Variants in DOCK1 observed in about 807,000 individuals in gnomAD.
The protein encoded by DOCK1 is dedicator of cytokinesis protein 1.
Under a neutral mutation model 262.7 loss-of-function variants are expected in DOCK1, and 138 were observed. The observed-to-expected ratio is 0.53, with a 90% CI of 0.46 to 0.61. The LOEUF (loss-of-function observed/expected upper bound fraction) is 0.61. DOCK1 is among the 20% of genes least tolerant of loss of function. The pLI, the probability that DOCK1 is intolerant of heterozygous loss-of-function variation, is 0.00. For missense variants in DOCK1, 1,908 were observed against 2,370.7 expected, an observed-to-expected ratio of 0.80 and a Z score of 4.05; for synonymous variants, 866 against 867.4, an observed-to-expected ratio of 1.00 and a Z score of 0.03.
At chr10:126,999,512 C>T in intron 9 of DOCK1, 77 bp downstream of exon 9, 1 of 1,224,104 alleles carries the variant, frequency 8.2e-7, no homozygotes, top group South Asian at 1.3e-5. Flanking sequence ...GTCTGCCTTC[C>T]TGCGACACTA....
At chr10:126,948,864 G>A (rs1282225863) in intron 1 of DOCK1, among the ~76,000 whole-genome samples, 1 of 152,110 alleles carries the variant, frequency 6.6e-6, no homozygotes, top group Non-Finnish European at 1.5e-5. Flanking sequence ...TTGGGGATAT[G>A]TGTGCTGGGC....
chr10:127,349,187 C>G (rs1035586975), intron 31 of DOCK1, among the ~76,000 whole-genome samples: 1 of 151,968 alleles, frequency 6.6e-6, no homozygotes, highest in African/African-American at 2.4e-5. Flanking sequence ...CATCTCAGCC[C>G]TTTCCTTGTC....
intron 23 of DOCK1, among the ~76,000 whole-genome samples, chr10:127,073,564 A>G (rs2046350947): frequency 6.6e-6 from 1 of 152,186 alleles, no homozygotes; most frequent in African/African-American, 2.4e-5. Flanking sequence ...ATTTCTCTCC[A>G]TTTGAGGGAA....
intron 27 of DOCK1, among the ~76,000 whole-genome samples, chr10:127,200,065 T>C (rs2057383925): frequency 6.6e-6 from 1 of 152,228 alleles, no homozygotes; most frequent in Non-Finnish European, 1.5e-5. Context: ...AACTGTCCGA[T>C]GTCGCTGTGA....
At chr10:127,076,345 C>CA (rs557461138) in intron 23 of DOCK1, among the ~76,000 whole-genome samples, 5 of 152,220 alleles carry the variant, frequency 3.3e-5, no homozygotes, top group South Asian at 2.1e-4. Context: ...ACTAAAAATA[C>CA]AAAAAATTAG....
chr10:127,160,043 T>C (rs1444516597), intron 27 of DOCK1, among the ~76,000 whole-genome samples: 2 of 151,846 alleles, frequency 1.3e-5, no homozygotes, highest in Non-Finnish European at 2.9e-5. Context: ...GCTTAGTGTC[T>C]CCGAGACCTT....
At chr10:126,981,717 T>A (rs2134847213) in intron 3 of DOCK1, among the ~76,000 whole-genome samples, 1 of 152,350 alleles carries the variant, frequency 6.6e-6, no homozygotes, top group South Asian at 2.1e-4. Flanking sequence ...TGTTTGCTTC[T>A]AAGACATCGG....
At chr10:127,299,931 C>A (rs2061626801) in intron 29 of DOCK1, among the ~76,000 whole-genome samples, 2 of 152,276 alleles carry the variant, frequency 1.3e-5, no homozygotes, top group South Asian at 4.1e-4. Flanking sequence ...GAAAAGTATT[C>A]CTGCAAAGTT....
In DOCK1 at chr10:127,211,202, G is replaced by A. The variant is rs144942413; in HGVS notation, c.2848-36806G>A. Among the ~76,000 whole-genome samples the A allele has an allele frequency of 1.8e-4, 27 of 152,284 alleles. No individual in the cohort carries two copies. The East Asian group carries it at 4.4e-3, about 25-fold the overall frequency. The stretch of plus-strand genomic sequence containing the variant: ...GAGTCCTGCACTCTAACTGCAGGAA[G>A]GGCAGCTAAGGAAAGCCAAGTGCAA... On this transcript the variant is annotated intron_variant, in intron 27 of 51. Transcript: ENST00000623213.
chr10:126,969,446 G>T (rs2037927075), intron 1 of DOCK1, among the ~76,000 whole-genome samples: 1 of 152,228 alleles, frequency 6.6e-6, no homozygotes, highest in Non-Finnish European at 1.5e-5. Flanking sequence ...GTCCTTGGAG[G>T]TGTGGGCAGG....
intron 27 of DOCK1, among the ~76,000 whole-genome samples, chr10:127,239,804 A>G (rs1398776746): frequency 2.0e-5 from 3 of 152,146 alleles, no homozygotes; most frequent in Non-Finnish European, 4.4e-5. Flanking sequence ...AACGTATAAA[A>G]TTTTCTGCTT....
At chr10:126,980,929 G>T (rs1171635043) in intron 3 of DOCK1, among the ~76,000 whole-genome samples, 1 of 151,228 alleles carries the variant, frequency 6.6e-6, no homozygotes, top group African/African-American at 2.4e-5. Flanking sequence ...TGCTTGCTCA[G>T]AAAGCAGGAC....
intron 29 of DOCK1, among the ~76,000 whole-genome samples, chr10:127,319,291 G>T (rs1194915351): frequency 6.6e-6 from 1 of 152,198 alleles, no homozygotes. Flanking sequence ...CGTAGCAGGG[G>T]AACTAATTGG....
Position 127,043,240 on chromosome 10 carries a change from T to G in DOCK1, c.2201+76T>G. 3 of 1,188,344 alleles carry G rather than the reference T, an allele frequency of 2.5e-6. No individual in the cohort carries two copies. The South Asian group carries it at 4.1e-5, about 16-fold the overall frequency. The allele number at this position is 1,188,344 out of a possible 1,614,324, so 73.6% of individuals were successfully genotyped here. A position where few individuals can be genotyped will look rare whatever the true frequency, so the allele number is the denominator to read the frequency against. On this transcript the variant is annotated intron_variant, in intron 21 of 51. Transcript: ENST00000623213. Reference sequence around the variant, plus strand: ...GTTATTTAGAGTCTTTTTCATGTACTTTTGTCTATGACTGTGTATTTACTC... The same window carrying G: ...GTTATTTAGAGTCTTTTTCATGTACGTTTGTCTATGACTGTGTATTTACTC...
chr10:126,922,485 A>G (rs1282286582), intron 1 of DOCK1, among the ~76,000 whole-genome samples: 1 of 152,098 alleles, frequency 6.6e-6, no homozygotes, highest in African/African-American at 2.4e-5. Flanking sequence ...TTTTGTAACA[A>G]CCAGTGTCTC....
chr10:127,350,063 A>G (rs376661661), intron 31 of DOCK1, among the ~76,000 whole-genome samples: 93 of 152,318 alleles, frequency 6.1e-4, no homozygotes, highest in African/African-American at 2.1e-3. Flanking sequence ...AGTCATGACC[A>G]ATAGACTTTT....
At chr10:127,443,910 G>A (rs186236268) in intron 49 of DOCK1, among the ~76,000 whole-genome samples, 6 of 152,046 alleles carry the variant, frequency 3.9e-5, no homozygotes, top group South Asian at 2.1e-4. Flanking sequence ...TTCCTCCCCC[G>A]GTCCCCCATT....
At chr10:126,952,310 A>AGTATT (rs1184861649) in intron 1 of DOCK1, among the ~76,000 whole-genome samples, 8 of 149,728 alleles carry the variant, frequency 5.3e-5, no homozygotes, top group Non-Finnish European at 4.5e-5. Context: ...TGGTGGCAGT[A>AGTATT]GTATTGTTAT....
At chr10:127,297,578 C>G (rs950288375) in intron 29 of DOCK1, among the ~76,000 whole-genome samples, 13 of 152,236 alleles carry the variant, frequency 8.5e-5, no homozygotes, top group Admixed American at 5.2e-4. Context: ...GTTTTCATCA[C>G]GTTTTCATAA....
Sources: gnomAD v4.1 joint callset for allele counts (sites outside exome capture counted in the v4.1 genomes callset) on GRCh38, gnomAD v4.1.1 for gene constraint, MANE v1.5 for transcripts, NCBI Gene and HGNC (gene_info 2026-07-23, HGNC 2026-07-21) for gene names.